TFCP2: variants seen among roughly 807,000 people sequenced by gnomAD.
TFCP2 encodes the protein transcription factor CP2.
Under a neutral mutation model 73.4 loss-of-function variants are expected in TFCP2, and 33 were observed. That is an observed-to-expected ratio of 0.45 (90% CI 0.34 to 0.60). The LOEUF (loss-of-function observed/expected upper bound fraction) is 0.60, where lower values mean the gene tolerates loss of function less well. Among genes scored for constraint, TFCP2 ranks in the 20% least tolerant of loss-of-function variants. The pLI is 0.01. For missense variants in TFCP2, 352 were observed against 604.0 expected, an observed-to-expected ratio of 0.58 and a Z score of 4.37; for synonymous variants, 193 against 211.6, an observed-to-expected ratio of 0.91 and a Z score of 0.76.
intron 1 of TFCP2, among the ~76,000 whole-genome samples, chr12:51,127,589 G>A (rs569004023): frequency 1.3e-5 from 2 of 152,166 alleles, no homozygotes; most frequent in Non-Finnish European, 2.9e-5. Context: ...GATGTAAAAG[G>A]CGTATTACTA....
chr12:51,125,310 G>A lies in TFCP2; in HGVS notation c.123-6538C>T, dbSNP rs939256050. 7.5e-6 allele frequency: 4 copies of A among 535,616 alleles called. No homozygotes were observed. In the African/African-American group the frequency reaches 7.6e-5, roughly 10 times the overall value. The allele number at this position is 535,616 out of a possible 1,614,324, so 33.2% of individuals were successfully genotyped here. A position where few individuals can be genotyped will look rare whatever the true frequency, so the allele number is the denominator to read the frequency against. ...AATCAGTCAAAGATGACAGCTCTGTGCCCAACATCCACATTATATAAGGCA... is the reference window on the plus strand; with the variant it reads ...AATCAGTCAAAGATGACAGCTCTGTACCCAACATCCACATTATATAAGGCA... On this transcript the variant is annotated intron_variant, in intron 1 of 14. Coordinates refer to ENST00000257915, the MANE Select transcript of TFCP2 (RefSeq NM_005653.5).
At chr12:51,106,304 C>T (rs1285438187) in intron 8 of TFCP2, among the ~76,000 whole-genome samples, 1 of 151,804 alleles carries the variant, frequency 6.6e-6, no homozygotes, top group Non-Finnish European at 1.5e-5. Flanking sequence ...GGAAAAAAGA[C>T]GAGGAGGAGG....
chr12:51,123,578 TTTAA>T (rs1940733931), intron 1 of TFCP2, among the ~76,000 whole-genome samples: 1 of 152,224 alleles, frequency 6.6e-6, no homozygotes, highest in African/African-American at 2.4e-5. Flanking sequence ...GCTTTATGTA[TTTAA>T]TTCATTTTTT....
chr12:51,101,904 C>T lies in TFCP2; in HGVS notation c.1151+31G>A, dbSNP rs1449081377. ...AATCCAAATCCATTTGGAATCCCAA[C>T]CTTATTGATATTTTAACACTAATTA... On this transcript the variant is annotated intron_variant, in intron 11 of 14. Coordinates refer to ENST00000257915, the MANE Select transcript of TFCP2 (RefSeq NM_005653.5). 2.8e-6 allele frequency: 4 copies of T among 1,437,704 alleles called. No homozygotes were observed. In the Admixed American group the frequency reaches 5.1e-5, roughly 18 times the overall value. The allele number at this position is 1,437,704 out of a possible 1,614,324, so 89.1% of individuals were successfully genotyped here. A position where few individuals can be genotyped will look rare whatever the true frequency, so the allele number is the denominator to read the frequency against.
chr12:51,103,611 C>T (rs746124792), intron 10 of TFCP2, 59 bp downstream of exon 10: 27 of 1,328,480 alleles, frequency 2.0e-5, no homozygotes, highest in Non-Finnish European at 2.9e-5. Context: ...TACCAGGAGG[C>T]CCTAGAATGC....
intron 1 of TFCP2, among the ~76,000 whole-genome samples, chr12:51,143,643 CTAT>C (rs998393820): frequency 1.3e-5 from 2 of 151,998 alleles, no homozygotes; most frequent in African/African-American, 4.8e-5. Flanking sequence ...AAGGTAAGTA[CTAT>C]TATTATTACC....
Position 51,095,131 on chromosome 12 carries a change from G to C in TFCP2, c.*110C>G. ...GCCTGGACTCCTCCACACACAGTCA[G>C]ACGAGTCAGGTTCTTGCAGACCTTC... On this transcript the variant is annotated 3_prime_UTR_variant, in exon 15 of 15. Transcript: ENST00000257915. 1 of 1,248,062 alleles carries C rather than the reference G, an allele frequency of 8.0e-7. No homozygotes were observed. Among genetic ancestry groups the C allele is most frequent in the South Asian group, 1.2e-5 (1 of 83,446 alleles). 77.3% of individuals were successfully genotyped at this position (1,248,062 alleles called of 1,614,324 possible).
chr12:51,123,940 T>C (rs954980545), intron 1 of TFCP2, among the ~76,000 whole-genome samples: 2 of 152,234 alleles, frequency 1.3e-5, no homozygotes, highest in African/African-American at 4.8e-5. Flanking sequence ...AACTAAGCTA[T>C]GTTATCTTCT....
chr12:51,144,581 C>T (rs962025644), intron 1 of TFCP2, among the ~76,000 whole-genome samples: 1 of 152,060 alleles, frequency 6.6e-6, no homozygotes, highest in Non-Finnish European at 1.5e-5. Flanking sequence ...AAAAGATGGA[C>T]TTTTCAATAA....
intron 1 of TFCP2, among the ~76,000 whole-genome samples, chr12:51,126,078 CA>C: frequency 6.6e-6 from 1 of 151,608 alleles, no homozygotes; most frequent in East Asian, 1.9e-4. Flanking sequence ...AAAAAGACAA[CA>C]AAAATTAGCC....
At chr12:51,152,584 T>C (rs778252068) in intron 1 of TFCP2, among the ~76,000 whole-genome samples, 13 of 152,214 alleles carry the variant, frequency 8.5e-5, no homozygotes, top group Admixed American at 6.5e-4. Flanking sequence ...TTTAGGTGTT[T>C]GGGGCGCCAC....
intron 1 of TFCP2, among the ~76,000 whole-genome samples, chr12:51,124,368 C>T (rs981896968): frequency 1.3e-5 from 2 of 152,208 alleles, no homozygotes; most frequent in South Asian, 2.1e-4. Context: ...GCTAGAATTA[C>T]AGGCATGAGC....
At chr12:51,149,045 A>G (rs1941365062) in intron 1 of TFCP2, among the ~76,000 whole-genome samples, 1 of 149,976 alleles carries the variant, frequency 6.7e-6, no homozygotes, top group Non-Finnish European at 1.5e-5. Flanking sequence ...AAAAAAACAG[A>G]AAGAAAGAAA....
chr12:51,141,302 G>A (rs1038692115), intron 1 of TFCP2, among the ~76,000 whole-genome samples: 24 of 151,932 alleles, frequency 1.6e-4, no homozygotes, highest in African/African-American at 5.8e-4. Flanking sequence ...CCAGATTTCT[G>A]TGTGGTTCTT....
intron 1 of TFCP2, among the ~76,000 whole-genome samples, chr12:51,145,857 C>T (rs1452293005): frequency 6.6e-6 from 1 of 151,002 alleles, no homozygotes; most frequent in African/African-American, 2.4e-5. Flanking sequence ...CAGGCAGAGG[C>T]AGGAGGATCA....
chr12:51,168,715 C>T (rs1941800805), intron 1 of TFCP2, among the ~76,000 whole-genome samples: 1 of 152,100 alleles, frequency 6.6e-6, no homozygotes, highest in South Asian at 2.1e-4. Context: ...AACTCTTGAG[C>T]TCAAGCAGTC....
intron 13 of TFCP2, among the ~76,000 whole-genome samples, chr12:51,097,201 C>T (rs1445059431): frequency 7.2e-5 from 11 of 152,216 alleles, no homozygotes; most frequent in Non-Finnish European, 1.0e-4. Flanking sequence ...CTGCTTGCCT[C>T]GGCCTCCCAA....
At chr12:51,120,932 TAAAA>T (rs1221416931) in intron 1 of TFCP2, among the ~76,000 whole-genome samples, 2 of 113,422 alleles carry the variant, frequency 1.8e-5, no homozygotes, top group East Asian at 3.3e-4. Context: ...AAAAAAAAGG[TAAAA>T]AGAGTAGTAA....
chr12:51,138,329 G>A (rs1300418039), intron 1 of TFCP2, among the ~76,000 whole-genome samples: 1 of 151,928 alleles, frequency 6.6e-6, no homozygotes, highest in East Asian at 1.9e-4. Flanking sequence ...GCTAATTTTT[G>A]TATTTTTAGT....
Sources: allele counts gnomAD v4.1 joint callset (sites outside exome capture counted in the v4.1 genomes callset), GRCh38; gene constraint gnomAD v4.1.1; transcripts MANE v1.5; gene names NCBI Gene and HGNC (gene_info 2026-07-23, HGNC 2026-07-21).